The following IGFL2 variants were observed in gnomAD, a reference collection of about 807,000 sequenced individuals.
The protein encoded by IGFL2 is IGF like family member 2.
In IGFL2, 7 loss-of-function variants were observed where a neutral mutation model predicts 13.9. The ratio of observed to expected loss-of-function variants is 0.51; its 90% confidence interval spans 0.29 to 0.95. The LOEUF is 0.95. Among genes scored for constraint, IGFL2 ranks in the 40% least tolerant of loss-of-function variants. The pLI, the probability that IGFL2 is intolerant of heterozygous loss-of-function variation, is 0.08. For synonymous variants in IGFL2, 55 were observed against 55.8 expected, an observed-to-expected ratio of 0.99 and a Z score of 0.07; for missense variants, 138 against 147.8, an observed-to-expected ratio of 0.93 and a Z score of 0.34.
At chr19:46,147,672 A>T (rs866624373), upstream of IGFL2, 1 of 152,212 alleles carries the variant, frequency 6.6e-6, no homozygotes, top group Non-Finnish European at 1.5e-5. Context: ...CTAGGGGATA[A>T]ATAGCTTGTT....
At chr19:46,116,325 C>T in the IGFL2 span, among the ~76,000 whole-genome samples, 1 of 152,132 alleles carries the variant, frequency 6.6e-6, no homozygotes, top group African/African-American at 2.4e-5. Flanking sequence ...GCATTGCTGG[C>T]AATATCTACT....
chr19:46,156,314 C>T (rs1973821867), intron 1 of IGFL2, among the ~76,000 whole-genome samples: 1 of 152,154 alleles, frequency 6.6e-6, no homozygotes, highest in Non-Finnish European at 1.5e-5. Context: ...CAGAGTTTTG[C>T]AGAGGTTTCT....
At chr19:46,195,614 G>T in the IGFL2 span, among the ~76,000 whole-genome samples, 1 of 152,078 alleles carries the variant, frequency 6.6e-6, no homozygotes, top group Non-Finnish European at 1.5e-5. Flanking sequence ...CCATTTTCTG[G>T]ACAGGAGTAA....
At chr19:46,094,578 C>T in the IGFL2 span, among the ~76,000 whole-genome samples, 2 of 151,130 alleles carry the variant, frequency 1.3e-5, no homozygotes, top group African/African-American at 2.4e-5. Context: ...GCAGGTTTGT[C>T]ACACAGGTAA....
At chr19:46,212,348 A>G in the IGFL2 span, 1 of 152,308 alleles carries the variant, frequency 6.6e-6, no homozygotes, top group Non-Finnish European at 1.5e-5. Context: ...AAGATACAGG[A>G]TCTTCCACAC....
chr19:46,112,039 C>T, the IGFL2 span: 1 of 152,228 alleles, frequency 6.6e-6, no homozygotes, highest in Non-Finnish European at 1.5e-5. Flanking sequence ...GCAGAATAGA[C>T]TCTACGACTT....
the IGFL2 span, among the ~76,000 whole-genome samples, chr19:46,127,054 T>C: frequency 1.3e-5 from 2 of 152,054 alleles, no homozygotes; most frequent in African/African-American, 4.8e-5. Context: ...GTGTCAAGCT[T>C]TTCGTATTTT....
the IGFL2 span, among the ~76,000 whole-genome samples, chr19:46,194,852 A>ATTT: frequency 6.3e-5 from 2 of 31,584 alleles, no homozygotes; most frequent in African/African-American, 2.6e-4. Context: ...ATATATATAT[A>ATTT]TTTTTTTTTT....
chr19:46,108,650 AC>A, the IGFL2 span, among the ~76,000 whole-genome samples: 1 of 152,034 alleles, frequency 6.6e-6, no homozygotes, highest in African/African-American at 2.4e-5. Flanking sequence ...GGTGCTTGCC[AC>A]CCAGGGGAGG....
the IGFL2 span, among the ~76,000 whole-genome samples, chr19:46,096,069 A>G: frequency 6.6e-6 from 1 of 152,158 alleles, no homozygotes; most frequent in East Asian, 1.9e-4. Flanking sequence ...TGTCAATGGT[A>G]GTTTGATGGG....
chr19:46,188,980 C>T, the IGFL2 span, among the ~76,000 whole-genome samples: 10 of 152,322 alleles, frequency 6.6e-5, no homozygotes, highest in Admixed American at 5.2e-4. Flanking sequence ...TTTTTCTCCC[C>T]ATGTGCGGAG....
the IGFL2 span, among the ~76,000 whole-genome samples, chr19:46,100,883 G>C: frequency 6.6e-6 from 1 of 152,114 alleles, no homozygotes; most frequent in Non-Finnish European, 1.5e-5. Context: ...TGAGGCTGCT[G>C]ACCTTTGGAT....
the IGFL2 span, among the ~76,000 whole-genome samples, chr19:46,192,870 T>C: frequency 3.9e-5 from 6 of 152,186 alleles, no homozygotes; most frequent in African/African-American, 1.4e-4. Flanking sequence ...TTACCCATGA[T>C]CAACTGTGAT....
the IGFL2 span, among the ~76,000 whole-genome samples, chr19:46,097,909 T>A: frequency 1.3e-5 from 2 of 152,154 alleles, no homozygotes; most frequent in African/African-American, 4.8e-5. Flanking sequence ...TGCTAAAGAG[T>A]GTTTTACTTC....
chr19:46,158,656 A>G (rs925423177), intron 1 of IGFL2, among the ~76,000 whole-genome samples: 35 of 152,308 alleles, frequency 2.3e-4, no homozygotes, highest in African/African-American at 6.3e-4. Context: ...TGTTAATTTC[A>G]TGTACAACTT....
At chr19:46,208,242 G>A in the IGFL2 span, 2 of 152,362 alleles carry the variant, frequency 1.3e-5, no homozygotes, top group South Asian at 2.1e-4. Context: ...TTTCTGTCTT[G>A]GCAGCAGAAG....
the IGFL2 span, chr19:46,214,536 C>T: frequency 5.9e-5 from 9 of 152,178 alleles, no homozygotes; most frequent in Admixed American, 4.6e-4. Flanking sequence ...CACCGGCCAC[C>T]TCCCAGGGAT....
At chr19:46,181,005 A>G in the IGFL2 span, among the ~76,000 whole-genome samples, 2 of 152,164 alleles carry the variant, frequency 1.3e-5, no homozygotes, top group African/African-American at 4.8e-5. Flanking sequence ...TCCTCTGGCA[A>G]TGCCCTCTCA....
the IGFL2 span, among the ~76,000 whole-genome samples, chr19:46,107,498 C>T: frequency 2.0e-5 from 3 of 152,190 alleles, no homozygotes; most frequent in Non-Finnish European, 2.9e-5. Context: ...GCCAGATTTC[C>T]AGCACTTGAA....
Sources: gnomAD v4.1 joint callset for allele counts (sites outside exome capture counted in the v4.1 genomes callset) on GRCh38, gnomAD v4.1.1 for gene constraint, MANE v1.5 for transcripts, NCBI Gene and HGNC (gene_info 2026-07-23, HGNC 2026-07-21) for gene names.